Variants in CD33 observed in about 807,000 individuals in gnomAD.
CD33 encodes myeloid cell surface antigen CD33.
CD33 carries 25 observed loss-of-function variants against 31.4 expected under a neutral mutation model. The observed-to-expected ratio is 0.80, with a 90% CI of 0.58 to 1.11. CD33 has a LOEUF of 1.11. CD33 is among the 50% of genes most tolerant of loss of function. The pLI is 0.00. For missense variants in CD33, 407 were observed against 448.1 expected (o/e 0.91, Z 0.83); for synonymous variants, 176 against 180.6 (o/e 0.97, Z 0.20).
chr19:51,216,242 G>A, the CD33 span, among the ~76,000 whole-genome samples: 4 of 150,672 alleles, frequency 2.7e-5, no homozygotes, highest in Non-Finnish European at 5.9e-5. Context: ...GTGTGTGTGT[G>A]TGTGTGTGTG....
At chr19:51,226,894 A>G (rs960687910) in intron 4 of CD33, among the ~76,000 whole-genome samples, 2 of 151,412 alleles carry the variant, frequency 1.3e-5, no homozygotes, top group African/African-American at 4.9e-5. Flanking sequence ...CCCAGCCCTT[A>G]TTATTCTCTG....
chr19:51,226,243 G>A (rs1195928446), intron 3 of CD33, 66 bp from the exon 4 acceptor site: 2 of 1,547,584 alleles, frequency 1.3e-6, no homozygotes, highest in Non-Finnish European at 1.8e-6. Flanking sequence ...GCAGGAGTAA[G>A]GGGAAATGCC....
chr19:51,235,728 C>A, intron 6 of CD33, 52 bp downstream of exon 6: 2 of 1,421,900 alleles, frequency 1.4e-6, no homozygotes, highest in Non-Finnish European at 2.0e-6. Context: ...CACCTCCTCC[C>A]AATGTGGCCC....
chr19:51,212,018 G>A, the CD33 span: 29,743 of 982,616 alleles, frequency 0.03, 1,679 homozygotes, highest in African/African-American at 0.22. Flanking sequence ...GTCGAGTGAC[G>A]TTCCCCGGAG....
chr19:51,232,418 A>G (rs561629761), intron 4 of CD33, among the ~76,000 whole-genome samples: 1 of 152,246 alleles, frequency 6.6e-6, no homozygotes, highest in East Asian at 1.9e-4. Context: ...GAGTACTTTG[A>G]GCTTCCTGGA....
At chr19:51,214,388 G>C in the CD33 span, among the ~76,000 whole-genome samples, 1 of 145,036 alleles carries the variant, frequency 6.9e-6, no homozygotes, top group South Asian at 2.1e-4. Flanking sequence ...AGTAGAGACA[G>C]GGTTTCACCA....
At chr19:51,228,635 A>G (rs558720304) in intron 4 of CD33, among the ~76,000 whole-genome samples, 54 of 152,240 alleles carry the variant, frequency 3.5e-4, no homozygotes, top group African/African-American at 1.3e-3. Flanking sequence ...TTCATTTATC[A>G]GTTCTGAGAG....
At chr19:51,221,763 A>C (rs534129354), upstream of CD33, among the ~76,000 whole-genome samples, 69 of 152,330 alleles carry the variant, frequency 4.5e-4, no homozygotes, top group African/African-American at 1.6e-3. Flanking sequence ...ATGCTCCTCA[A>C]ATGGTAAATG....
chr19:51,225,590 A>C lies in CD33; in HGVS notation c.410A>C (p.His137Pro). Residue 137 changes from histidine to proline, a missense_variant, in exon 2 of 7, where the codon CAT becomes CCT. By Grantham distance (77) the His-to-Pro change is moderately conservative. Coordinates refer to ENST00000262262, the MANE Select transcript of CD33 (RefSeq NM_001772.4). ...YSYKSPQLSV[H>P]VTDLTHRPKI... ...TACAAATCTCCCCAGCTCTCTGTGC[A>C]TGTGACAGGTGAGGCACAGGCTTCA... 6.4e-7 allele frequency: 1 copy of C among 1,555,436 alleles called. No individual in the cohort carries two copies. The highest frequency in any genetic ancestry group is 8.7e-7 in the Non-Finnish European group (1 of 1,150,546).
chr19:51,239,379 T>C (rs1297402558), intron 6 of CD33, 139 bp from the exon 7 acceptor site: 1 of 593,680 alleles, frequency 1.7e-6, no homozygotes. Context: ...AGAGCCTTAA[T>C]TAATTAACAT....
the CD33 span, among the ~76,000 whole-genome samples, chr19:51,214,773 T>G: frequency 2.7e-3 from 408 of 152,332 alleles, no homozygotes; most frequent in African/African-American, 8.2e-3. Context: ...TGCTCCCATT[T>G]TGTGAGCTAT....
At chr19:51,232,143 T>C (rs1981473108) in intron 4 of CD33, among the ~76,000 whole-genome samples, 1 of 152,254 alleles carries the variant, frequency 6.6e-6, no homozygotes. Context: ...ATATTTTATT[T>C]CTCCTTCTTT....
At chr19:51,218,117 A>C in the CD33 span, among the ~76,000 whole-genome samples, 1 of 152,240 alleles carries the variant, frequency 6.6e-6, no homozygotes, top group African/African-American at 2.4e-5. Flanking sequence ...TTTTCCGTAG[A>C]GGCTGTAATA....
the CD33 span, among the ~76,000 whole-genome samples, chr19:51,213,865 CTTTTTTTTTTTTG>C: frequency 1.8e-5 from 2 of 112,684 alleles, no homozygotes; most frequent in African/African-American, 6.7e-5. Context: ...TTTTTTTTTC[CTTTTTTTTTTTTG>C]ATATAGGGTC....
the CD33 span, chr19:51,211,534 A>G: frequency 1.3e-6 from 2 of 1,528,650 alleles, no homozygotes; most frequent in African/African-American, 2.8e-5. Flanking sequence ...TCGGATGGAG[A>G]GAGGAAGTAC....
upstream of CD33, among the ~76,000 whole-genome samples, chr19:51,223,618 G>A (rs1024246276): frequency 1.3e-5 from 2 of 152,304 alleles, no homozygotes; most frequent in African/African-American, 2.4e-5. Flanking sequence ...TGATCCATAT[G>A]ATGAGCCTCT....
chr19:51,233,551 T>C (rs1459266000), intron 4 of CD33, among the ~76,000 whole-genome samples: 5 of 152,228 alleles, frequency 3.3e-5, no homozygotes, highest in Non-Finnish European at 5.9e-5. Flanking sequence ...GGCTGTGGTC[T>C]CAAGATGGTT....
chr19:51,236,163 G>GA (rs544419951), intron 6 of CD33: 1,928 of 303,146 alleles, frequency 6.4e-3, no homozygotes, highest in South Asian at 0.01. Flanking sequence ...GTCCCAAAAA[G>GA]AAAAAAAAAA....
intron 4 of CD33, among the ~76,000 whole-genome samples, chr19:51,229,318 A>G (rs1448034772): frequency 6.6e-6 from 1 of 152,086 alleles, no homozygotes; most frequent in Non-Finnish European, 1.5e-5. Flanking sequence ...ATATTTTTGC[A>G]TCTATGTTCA....
Sources: gnomAD v4.1 joint callset for allele counts (sites outside exome capture counted in the v4.1 genomes callset) on GRCh38, gnomAD v4.1.1 for gene constraint, MANE v1.5 for transcripts, NCBI Gene and HGNC (gene_info 2026-07-23, HGNC 2026-07-21) for gene names.